The following MCM10 variants were observed in gnomAD, a reference collection of about 807,000 sequenced individuals.
MCM10 encodes the protein minichromosome maintenance 10 replication initiation factor.
A neutral mutation model predicts 109.9 loss-of-function variants in MCM10; 91 were observed. The ratio of observed to expected loss-of-function variants is 0.83; its 90% CI spans 0.70 to 0.99. The LOEUF is 0.99. Ranked by LOEUF, MCM10 falls within the 50% of genes least tolerant of loss-of-function variation. The probability of loss-of-function intolerance (pLI) is 0.00; values close to 1 mark genes in which losing one functional copy is unlikely to be tolerated. For missense variants in MCM10, 1,077 were observed against 1,061.2 expected (o/e 1.01, Z -0.21); for synonymous variants, 380 against 387.2 (o/e 0.98, Z 0.22).
intron 6 of MCM10, among the ~76,000 whole-genome samples, chr10:13,179,389 C>T (rs551352243): frequency 6.6e-6 from 1 of 152,310 alleles, no homozygotes; most frequent in East Asian, 1.9e-4. Flanking sequence ...AGCTGACATA[C>T]ACCCTTAAGT....
intron 1 of MCM10, among the ~76,000 whole-genome samples, chr10:13,163,261 C>G (rs916201985): frequency 6.6e-6 from 1 of 152,086 alleles, no homozygotes; most frequent in Admixed American, 6.6e-5. Flanking sequence ...ATCACTGGAG[C>G]CTGGGAGGCG....
At chr10:13,170,782 T>C (rs1270298354) in intron 2 of MCM10, 140 bp from the exon 3 acceptor site, 2 of 649,676 alleles carry the variant, frequency 3.1e-6, no homozygotes, top group East Asian at 2.7e-5. Flanking sequence ...TGGAGTATGG[T>C]TGAACCCATC....
chr10:13,183,805 C>T (rs920698050), intron 8 of MCM10, among the ~76,000 whole-genome samples: 1 of 152,070 alleles, frequency 6.6e-6, no homozygotes, highest in African/African-American at 2.4e-5. Flanking sequence ...CCACTTCTGC[C>T]TCCTGAGTAG....
At chr10:13,206,237 T>C (rs552247385) in intron 18 of MCM10, among the ~76,000 whole-genome samples, 1 of 152,292 alleles carries the variant, frequency 6.6e-6, no homozygotes, top group South Asian at 2.1e-4. Context: ...CTCGCTATGT[T>C]CCTCGGCTTC....
rs1434104733 is a variant in MCM10, at chr10:13,192,638, G to A, written c.1745+70G>A. 1.3e-5 allele frequency: 18 copies of A among 1,388,112 alleles called. No individual in the cohort carries two copies. The South Asian group carries it at 1.3e-4, about 10-fold the overall frequency. 86.0% of individuals were successfully genotyped at this position (1,388,112 alleles called of 1,614,324 possible). A position where few individuals can be genotyped will look rare whatever the true frequency, so the allele number is the denominator to read the frequency against. On this transcript the variant is annotated intron_variant, in intron 13 of 19. Coordinates refer to ENST00000378714, the MANE Select transcript of MCM10 (RefSeq NM_018518.5). ...CAGGCGTCCTCAGAACGTCTTCATC[G>A]ATTTCCAGAATGTGACTTCAGGTTT...
Position 13,202,529 on chromosome 10 carries a change from CTT to C in MCM10, c.2352+997_2352+998del, listed in dbSNP as rs529090350. On this transcript the variant is annotated intron_variant, in intron 17 of 19. Coordinates refer to ENST00000378714, the MANE Select transcript of MCM10 (RefSeq NM_018518.5). ...TTTCTCTGTCTTATTCCTTTTAACA[CTT>C]TAGCTCTCCTATGCATTTGGGGGTC... 2.1e-3 allele frequency among the ~76,000 whole-genome samples: 327 copies of C among 152,340 alleles called. 2 individuals carry two copies. Among genetic ancestry groups the C allele is most frequent in the African/African-American group, 7.4e-3 (309 of 41,574 alleles).
intron 2 of MCM10, among the ~76,000 whole-genome samples, chr10:13,165,694 G>C (rs1833986930): frequency 6.6e-6 from 1 of 152,078 alleles, no homozygotes; most frequent in South Asian, 2.1e-4. Flanking sequence ...GGCTAACATA[G>C]TGAAACCCCA....
At chr10:13,178,038 TAG>T (rs1834164285) in intron 6 of MCM10, among the ~76,000 whole-genome samples, 1 of 152,158 alleles carries the variant, frequency 6.6e-6, no homozygotes, top group South Asian at 2.1e-4. Context: ...ACCAATGTCC[TAG>T]AGAGTTTCCC....
At chr10:13,205,426 A>T (rs1419900159) in intron 18 of MCM10, among the ~76,000 whole-genome samples, 1 of 151,978 alleles carries the variant, frequency 6.6e-6, no homozygotes, top group African/African-American at 2.4e-5. Flanking sequence ...TTATCCAGTC[A>T]TCTCTTGATG....
intron 2 of MCM10, among the ~76,000 whole-genome samples, chr10:13,168,160 G>A (rs760188487): frequency 1.1e-4 from 17 of 152,194 alleles, no homozygotes; most frequent in Non-Finnish European, 2.4e-4. Flanking sequence ...TTTGGCAGAC[G>A]GGAACAAGAG....
At position 13,201,504 on chromosome 10, in the gene MCM10, A is replaced by G; in HGVS notation, c.2322A>G (p.Glu774=). Residue 774 remains glutamate (E), a synonymous_variant, in exon 17 of 20, where the codon GAA becomes GAG. Coordinates refer to ENST00000378714, the MANE Select transcript of MCM10 (RefSeq NM_018518.5). ...QMEEKMRNIR[E]VKCRVVTCKT... is the part of the protein sequence containing the mutation. Reference sequence around the variant, plus strand: ...AAGAAAAGATGAGAAACATCAGAGAAGTGAAGTGCCGTGTCGTGACATGCA... The same window carrying G: ...AAGAAAAGATGAGAAACATCAGAGAGGTGAAGTGCCGTGTCGTGACATGCA... 1.2e-6 allele frequency: 2 copies of G among 1,612,164 alleles called. No individual in the cohort carries two copies. The highest frequency in any genetic ancestry group is 1.1e-5 in the South Asian group (1 of 90,652).
intron 17 of MCM10, among the ~76,000 whole-genome samples, chr10:13,203,607 A>G (rs1386143521): frequency 6.6e-6 from 1 of 152,128 alleles, no homozygotes; most frequent in Non-Finnish European, 1.5e-5. Flanking sequence ...TTATTGATCA[A>G]GCTCAGTGTA....
rs1477487711 is a variant in MCM10, at chr10:13,192,318, G to A, written c.1580G>A (p.Cys527Tyr). 2.5e-6 allele frequency: 4 copies of A among 1,613,784 alleles called. No homozygotes were observed. Among genetic ancestry groups the A allele is most frequent in the East Asian group, 2.2e-5 (1 of 44,858 alleles). The change falls in exon 12 of 20, where the codon TGT (cysteine) becomes TAT (tyrosine). Residue 527 changes from cysteine (C) to tyrosine (Y), a missense_variant. Transcript: ENST00000378714. ...AAGGAACTGATGGACCTGCCGACGT[G>A]TGGAGCCAGGAACTTAAAACAACAT... ...EFKELMDLPT[C>Y]GARNLKQHLA... is the part of the protein sequence containing the mutation.
chr10:13,186,041 T>C lies in MCM10; in HGVS notation c.1099-123T>C, dbSNP rs535915058. ...CCTCCCAGAGTGCTAGGATTATAGG[T>C]GTGAGCCACTGCGCCTGGCAATAAC... On this transcript the variant is annotated intron_variant, in intron 8 of 19. Coordinates refer to ENST00000378714, the MANE Select transcript of MCM10 (RefSeq NM_018518.5). 31 of 626,250 alleles carry C rather than the reference T, an allele frequency of 5.0e-5. No individual in the cohort carries two copies. The African/African-American group carries it at 5.5e-4, about 11-fold the overall frequency. 38.8% of individuals were successfully genotyped at this position (626,250 alleles called of 1,614,324 possible). A position where few individuals can be genotyped will look rare whatever the true frequency, so the allele number is the denominator to read the frequency against.
chr10:13,198,737 C>A lies in MCM10; in HGVS notation c.2168C>A (p.Ala723Asp). The change falls in exon 16 of 20, where the codon GCC becomes GAC. Residue 723 changes from alanine to aspartate, a missense_variant. By Grantham distance (126) the Ala-to-Asp change is moderately radical. Coordinates refer to ENST00000378714, the MANE Select transcript of MCM10 (RefSeq NM_018518.5). ...PARKKRREQL[A>D]YLESEEFQKI... Reference sequence around the variant, plus strand: ...AGGAAAAAAAGGAGAGAACAACTTGCCTATCTGGAATCTGAGGAATTTCAG... The same window carrying A: ...AGGAAAAAAAGGAGAGAACAACTTGACTATCTGGAATCTGAGGAATTTCAG... 1.2e-6 allele frequency: 2 copies of A among 1,613,946 alleles called. No individual in the cohort carries two copies. The highest frequency in any genetic ancestry group is 8.5e-7 in the Non-Finnish European group (1 of 1,180,002).
chr10:13,177,508 C>CTTTTTTTTTTT (rs60316855), intron 6 of MCM10, among the ~76,000 whole-genome samples: 7 of 105,260 alleles, frequency 6.7e-5, no homozygotes, highest in Admixed American at 1.1e-4. Flanking sequence ...GATTTTGGAG[C>CTTTTTTTTTTT]TTTTTTTTTT....
chr10:13,189,282 A>G (rs1012093247), intron 10 of MCM10, among the ~76,000 whole-genome samples: 1 of 151,372 alleles, frequency 6.6e-6, no homozygotes, highest in African/African-American at 2.4e-5. Context: ...AGATTGACTT[A>G]TGTTGTGTTG....
At chr10:13,199,986 G>A (rs552497237) in intron 16 of MCM10, among the ~76,000 whole-genome samples, 65 of 152,052 alleles carry the variant, frequency 4.3e-4, no homozygotes, top group Middle Eastern at 3.4e-3. Flanking sequence ...GTGGGGGTTG[G>A]GGAGGTTTTG....
Position 13,195,059 on chromosome 10 carries a change from T to C in MCM10, c.1764T>C (p.Ser588=), listed in dbSNP as rs142850241. 54 of 1,613,708 alleles carry C rather than the reference T, an allele frequency of 3.3e-5. 1 individual carries two copies. In the African/African-American group the frequency reaches 6.5e-4, roughly 20 times the overall value. The part of the protein sequence containing the change: ...EIQKRFLQSS[S]EVESPAVPSS... The stretch of plus-strand genomic sequence containing the variant: ...TTTAAAGATTTCTGCAGAGCTCAAG[T>C]GAAGTTGAGAGCCCAGCTGTGCCAT... The change falls in exon 14 of 20, where the codon AGT becomes AGC. Residue 588 remains serine, a synonymous_variant. Coordinates refer to ENST00000378714, the MANE Select transcript of MCM10 (RefSeq NM_018518.5).
Sources: allele counts gnomAD v4.1 joint callset (sites outside exome capture counted in the v4.1 genomes callset), GRCh38; gene constraint gnomAD v4.1.1; transcripts MANE v1.5; gene names NCBI Gene and HGNC (gene_info 2026-07-23, HGNC 2026-07-21).